The following DMTF1 variants were observed in gnomAD, a reference collection of about 807,000 sequenced individuals.
DMTF1 encodes the protein cyclin-D-binding Myb-like transcription factor 1.
DMTF1 carries 39 observed loss-of-function variants against 91.1 expected under a neutral mutation model. The ratio of observed to expected loss-of-function variants is 0.43; its 90% CI spans 0.33 to 0.56. DMTF1 has a LOEUF of 0.56. DMTF1 is among the 20% of genes least tolerant of loss of function. DMTF1 has a pLI of 0.05. For missense variants in DMTF1, 750 were observed against 914.5 expected, an observed-to-expected ratio of 0.82 and a Z score of 2.32; for synonymous variants, 338 against 309.5, an observed-to-expected ratio of 1.09 and a Z score of -0.97.
intron 17 of DMTF1, 78 bp downstream of exon 17, chr7:87,194,906 G>A: frequency 2.7e-6 from 4 of 1,502,130 alleles, no homozygotes; most frequent in Non-Finnish European, 3.6e-6. Context: ...ACTTGTTTCA[G>A]TCTTTCTTGA....
At chr7:87,157,543 C>G (rs985571049) in intron 1 of DMTF1, among the ~76,000 whole-genome samples, 1 of 151,944 alleles carries the variant, frequency 6.6e-6, no homozygotes, top group African/African-American at 2.4e-5. Context: ...ACTTAAATGC[C>G]CAGAAAAATC....
Position 87,194,839 on chromosome 7 carries a change from A to G in DMTF1, c.2173+11A>G, listed in dbSNP as rs765793812. 6.3e-7 allele frequency: 1 copy of G among 1,597,292 alleles called. No individual in the cohort carries two copies. The highest frequency in any genetic ancestry group is 1.3e-5 in the African/African-American group (1 of 74,118). On this transcript the variant is annotated intron_variant, in intron 17 of 17. Transcript: ENST00000331242. ...TGACAACACTAACAGGTACTGTAAT[A>G]TAATACTTACTATGTGCCTGATAAA...
At chr7:87,168,688 G>A (rs966956325) in intron 4 of DMTF1, among the ~76,000 whole-genome samples, 2 of 152,042 alleles carry the variant, frequency 1.3e-5, no homozygotes, top group African/African-American at 4.8e-5. Flanking sequence ...TACCAGTGCA[G>A]CTAATTGAAA....
intron 4 of DMTF1, among the ~76,000 whole-genome samples, chr7:87,168,620 T>C (rs1033331839): frequency 1.3e-5 from 2 of 152,174 alleles, no homozygotes; most frequent in African/African-American, 4.8e-5. Flanking sequence ...CTTTTTTTTC[T>C]CTCACTTATT....
intron 11 of DMTF1, among the ~76,000 whole-genome samples, chr7:87,185,542 A>G (rs1211348306): frequency 2.0e-5 from 3 of 152,188 alleles, no homozygotes; most frequent in Non-Finnish European, 2.9e-5. Context: ...TCTAACCTTT[A>G]GCATACTCCT....
chr7:87,155,720 T>C (rs913986011), intron 1 of DMTF1, among the ~76,000 whole-genome samples: 2 of 152,152 alleles, frequency 1.3e-5, no homozygotes, highest in Non-Finnish European at 2.9e-5. Flanking sequence ...AGGAGGAACG[T>C]GGTTGTGTCT....
intron 11 of DMTF1, 56 bp downstream of exon 11, chr7:87,184,681 G>C: frequency 6.8e-7 from 1 of 1,480,630 alleles, no homozygotes; most frequent in South Asian, 1.2e-5. Context: ...TGGATGTCTT[G>C]ATAGACTTTC....
chr7:87,168,759 A>T (rs1411971024), intron 4 of DMTF1, among the ~76,000 whole-genome samples: 1 of 152,156 alleles, frequency 6.6e-6, no homozygotes, highest in African/African-American at 2.4e-5. Context: ...CTGATCATTA[A>T]CCTGAAGTGG....
At chr7:87,175,114 G>A (rs1404142188) in intron 7 of DMTF1, among the ~76,000 whole-genome samples, 3 of 151,800 alleles carry the variant, frequency 2.0e-5, no homozygotes, top group African/African-American at 4.8e-5. Flanking sequence ...CGTCTCTTGG[G>A]CTCCAGCTAT....
At position 87,158,636 on chromosome 7, in the gene DMTF1, G is replaced by A. The variant is rs901012723; in HGVS notation, c.-131-4859G>A. 2.6e-5 allele frequency among the ~76,000 whole-genome samples: 4 copies of A among 152,114 alleles called. 1 individual carries two copies. Among genetic ancestry groups the A allele is most frequent in the South Asian group, 4.1e-4 (2 of 4,834 alleles). On this transcript the variant is annotated intron_variant, in intron 1 of 17. Coordinates refer to ENST00000331242, the MANE Select transcript of DMTF1 (RefSeq NM_001142327.2). Reference sequence around the variant, plus strand: ...TTTCTTCAGAAAGCATTAAATAACTGTTGAAACGTACCACCTATCTAGTGA... The same window carrying A: ...TTTCTTCAGAAAGCATTAAATAACTATTGAAACGTACCACCTATCTAGTGA...
At chr7:87,185,598 C>T (rs1312629761) in intron 11 of DMTF1, among the ~76,000 whole-genome samples, 1 of 152,134 alleles carries the variant, frequency 6.6e-6, no homozygotes, top group Non-Finnish European at 1.5e-5. Context: ...TATAGTTTAG[C>T]CCATTGGTTG....
At position 87,182,369 on chromosome 7, in the gene DMTF1, G is replaced by A. The variant is rs1358233015; in HGVS notation, c.820+32G>A. 3 of 1,610,250 alleles carry A rather than the reference G, an allele frequency of 1.9e-6. No individual in the cohort carries two copies. In the East Asian group the frequency reaches 6.7e-5, roughly 36 times the overall value. On this transcript the variant is annotated intron_variant, in intron 10 of 17. Coordinates refer to ENST00000331242, the MANE Select transcript of DMTF1 (RefSeq NM_001142327.2). The stretch of plus-strand genomic sequence containing the variant: ...TGACTACTACTGGTAGCGTTTTCTT[G>A]TCACCACTTAAGCCTCCTGCCCCTT...
Position 87,171,065 on chromosome 7 carries a change from T to C in DMTF1, c.303T>C (p.Thr101=). 6.2e-7 allele frequency: 1 copy of C among 1,610,328 alleles called. No homozygotes were observed. The highest frequency in any genetic ancestry group is 8.5e-7 in the Non-Finnish European group (1 of 1,176,790). ...CAGAAGTAGCAGATGATGAGGTTAC[T>C]GAGGGGACTGTGACACAGATACAGG... ...ATTEVADDEV[T]EGTVTQIQIL... The change falls in exon 5 of 18, where the codon ACT becomes ACC. Residue 101 remains threonine (T), a synonymous_variant. Coordinates refer to ENST00000331242, the MANE Select transcript of DMTF1 (RefSeq NM_001142327.2).
chr7:87,194,131 G>C, intron 16 of DMTF1, 29 bp downstream of exon 16: 1 of 1,526,226 alleles, frequency 6.6e-7, no homozygotes, highest in South Asian at 1.3e-5. Flanking sequence ...ACAACTGAAT[G>C]GATTCTTGCC....
intron 13 of DMTF1, among the ~76,000 whole-genome samples, chr7:87,188,581 A>G (rs1040914275): frequency 6.6e-6 from 1 of 152,208 alleles, no homozygotes; most frequent in African/African-American, 2.4e-5. Context: ...TATTAAAAAT[A>G]GAAATTAGAA....
At chr7:87,194,322 A>G (rs1800654881) in intron 16 of DMTF1, 5 of 516,452 alleles carry the variant, frequency 9.7e-6, no homozygotes, top group Non-Finnish European at 1.7e-5. Flanking sequence ...CCTCACTAAA[A>G]CTTTTTCCTC....
At chr7:87,175,123 A>G (rs557339011) in intron 7 of DMTF1, among the ~76,000 whole-genome samples, 3 of 151,086 alleles carry the variant, frequency 2.0e-5, no homozygotes, top group East Asian at 3.9e-4. Flanking sequence ...GGCTCCAGCT[A>G]TATTCTCCTG....
At chr7:87,184,271 G>C (rs939071916) in intron 10 of DMTF1, 126 bp from the exon 11 acceptor site, 5 of 824,860 alleles carry the variant, frequency 6.1e-6, no homozygotes, top group Non-Finnish European at 9.4e-6. Context: ...TTTTCCACCA[G>C]AGGGTCATTC....
At chr7:87,157,756 C>A (rs1307841167) in intron 1 of DMTF1, among the ~76,000 whole-genome samples, 1 of 151,782 alleles carries the variant, frequency 6.6e-6, no homozygotes, top group East Asian at 1.9e-4. Context: ...TAAATAGGTT[C>A]ATCTTTTTCA....
Sources: allele counts gnomAD v4.1 joint callset (sites outside exome capture counted in the v4.1 genomes callset), GRCh38; gene constraint gnomAD v4.1.1; transcripts MANE v1.5; gene names NCBI Gene and HGNC (gene_info 2026-07-23, HGNC 2026-07-21).